The following OR4K5 variants were observed in gnomAD, a reference collection of about 807,000 sequenced individuals.
OR4K5 encodes the protein olfactory receptor 4K5.
For synonymous variants in OR4K5, 187 were observed against 142.2 expected (o/e 1.31, Z -2.24); for missense variants, 520 against 377.1 (o/e 1.38, Z -3.14).
Position 19,921,550 on chromosome 14 carries a change from C to A in OR4K5, c.944C>A (p.Ser315Ter). 1 of 1,612,960 alleles carries A rather than the reference C, an allele frequency of 6.2e-7. No homozygotes were observed. Among genetic ancestry groups the A allele is most frequent in the South Asian group, 1.1e-5 (1 of 90,860 alleles). The change falls in exon 1 of 1, where the codon TCA becomes TAA. Residue 315 changes from serine (S) to a stop codon, truncating the protein, a stop_gained. Coordinates refer to ENST00000315915, the MANE Select transcript of OR4K5 (RefSeq NM_001005483.1). LOFTEE classifies it high-confidence loss of function. ...AGGCCAAGGAGAATTTCTGAAATGTCACTAGTAGTGAGAACTTCCTTTCAT... is the reference window on the plus strand; with the variant it reads ...AGGCCAAGGAGAATTTCTGAAATGTAACTAGTAGTGAGAACTTCCTTTCAT... ...YLRPRRISEMSLVVRTSFH is the reference protein window; with the variant it reads ...YLRPRRISEM
chr14:19,920,791 T>A lies in OR4K5; in HGVS notation c.185T>A (p.Leu62His), dbSNP rs746832210. The A allele has an allele frequency of 6.2e-7, 1 of 1,614,234 alleles. No homozygotes were observed. The highest frequency in any genetic ancestry group is 8.5e-7 in the Non-Finnish European group (1 of 1,180,016). The change falls in exon 1 of 1, where the codon CTC becomes CAC. Residue 62 changes from leucine to histidine, a missense_variant. By Grantham distance (99) the Leu-to-His change is moderately conservative. Transcript: ENST00000315915. ...AGCCTGCACTCCCCTATGTACTTTC[T>A]CTTGGGAAACCTTTCCTTTGTTGAC... ...DTSLHSPMYF[L>H]LGNLSFVDIC... is the part of the protein sequence containing the mutation.
Position 19,920,612 on chromosome 14 carries a change from T to TAA in OR4K5, c.7_8dup (p.Asn5ProfsTer46), listed in dbSNP as rs754067596. 10 of 1,601,786 alleles carry TAA rather than the reference T, an allele frequency of 6.2e-6. No homozygotes were observed. The highest frequency in any genetic ancestry group is 8.5e-6 in the Non-Finnish European group (10 of 1,174,932). On this transcript the variant is annotated frameshift_variant, in exon 1 of 1. Coordinates refer to ENST00000315915, the MANE Select transcript of OR4K5 (RefSeq NM_001005483.1). LOFTEE classifies it low-confidence loss of function (END_TRUNC). ...CAAGTTTGCAGCTTGGAACCATGGA[T>TAA]AAGTCCAATTCTTCAGTGGTGTCTG...
Position 19,921,129 on chromosome 14 carries a change from G to A in OR4K5, c.523G>A (p.Asp175Asn), listed in dbSNP as rs1566497818. 2 of 1,614,164 alleles carry A rather than the reference G, an allele frequency of 1.2e-6. No individual in the cohort carries two copies. The highest frequency in any genetic ancestry group is 1.3e-5 in the African/African-American group (1 of 75,060). Reference protein sequence around the residue: ...NLPFCGPNVVDSFFCDLPRVT... With the variant: ...NLPFCGPNVVNSFFCDLPRVT... Reference sequence around the variant, plus strand: ...GCCTTTTTGTGGACCTAATGTAGTAGACAGCTTTTTTTGTGATCTTCCTCG... The same window carrying A: ...GCCTTTTTGTGGACCTAATGTAGTAAACAGCTTTTTTTGTGATCTTCCTCG... The change falls in exon 1 of 1, where the codon GAC (aspartate) becomes AAC (asparagine). Residue 175 changes from aspartate (D) to asparagine (N), a missense_variant. Asp to Asn is a conservative substitution (Grantham distance 23). Coordinates refer to ENST00000315915, the MANE Select transcript of OR4K5 (RefSeq NM_001005483.1).
rs137857056 is a variant in OR4K5 at position 19,921,323 on chromosome 14, G to A, written c.717G>A (p.Thr239=). 90 of 1,613,962 alleles carry A rather than the reference G, an allele frequency of 5.6e-5. No individual in the cohort carries two copies. The highest frequency in any genetic ancestry group is 8.0e-5 in the African/African-American group (6 of 74,922). ...SSAAMAKAFS[T]LASHIAVVIL... is the part of the protein sequence containing the mutation. ...CTGCAATGGCAAAGGCATTTTCTACGCTGGCTTCCCATATTGCAGTAGTAA... is the reference window on the plus strand; with the variant it reads ...CTGCAATGGCAAAGGCATTTTCTACACTGGCTTCCCATATTGCAGTAGTAA... The change falls in exon 1 of 1, where the codon ACG becomes ACA. Residue 239 remains threonine, a synonymous_variant. Coordinates refer to ENST00000315915, the MANE Select transcript of OR4K5 (RefSeq NM_001005483.1).
chr14:19,920,856 GA>G lies in OR4K5; in HGVS notation c.251del (p.Asp84ValfsTer3). 1 of 1,614,204 alleles carries G rather than the reference GA, an allele frequency of 6.2e-7. No individual in the cohort carries two copies. The highest frequency in any genetic ancestry group is 8.5e-7 in the Non-Finnish European group (1 of 1,180,012). The stretch of plus-strand genomic sequence containing the variant: ...TTTTGCTACCCCTAAAATGATTGCA[GA>G]TTTTCTGAGTGCACACGAGACCATA... ...ASFATPKMIA[D>X]FLSAHETISF... On this transcript the variant is annotated frameshift_variant, in exon 1 of 1. Transcript: ENST00000315915. LOFTEE classifies it low-confidence loss of function (END_TRUNC).
At position 19,921,569 on chromosome 14, in the gene OR4K5, C is replaced by T. The variant is rs1285476047; in HGVS notation, c.963C>T (p.Ser321=). 8.7e-6 allele frequency: 14 copies of T among 1,608,658 alleles called. No homozygotes were observed. Among genetic ancestry groups the T allele is most frequent in the Non-Finnish European group, 1.2e-5 (14 of 1,178,158 alleles). Residue 321 remains serine (S), a synonymous_variant, in exon 1 of 1, where the codon TCC becomes TCT. Coordinates refer to ENST00000315915, the MANE Select transcript of OR4K5 (RefSeq NM_001005483.1). ...ISEMSLVVRT[S]FH is the part of the protein sequence containing the mutation. ...AAATGTCACTAGTAGTGAGAACTTC[C>T]TTTCATTAAGACAAAACTCCTTCAA...
At position 19,920,936 on chromosome 14, in the gene OR4K5, G is replaced by A. The variant is rs747328075; in HGVS notation, c.330G>A (p.Gly110=). Residue 110 remains glycine (G), a synonymous_variant, in exon 1 of 1, where the codon GGG becomes GGA. Coordinates refer to ENST00000315915, the MANE Select transcript of OR4K5 (RefSeq NM_001005483.1). ...QIFFIHLFTG[G]EMVLLVSMAY... ...TCTTTATTCACCTTTTTACTGGAGG[G>A]GAGATGGTGCTACTTGTTTCGATGG... The A allele has an allele frequency of 2.5e-6, 4 of 1,614,148 alleles. 1 individual carries two copies. In the South Asian group the frequency reaches 4.4e-5, roughly 18 times the overall value.
chr14:19,921,552 C>G lies in OR4K5; in HGVS notation c.946C>G (p.Leu316Val). The change falls in exon 1 of 1, where the codon CTA becomes GTA. Residue 316 changes from leucine to valine, a missense_variant. By Grantham distance (32) the Leu-to-Val change is conservative. Coordinates refer to ENST00000315915, the MANE Select transcript of OR4K5 (RefSeq NM_001005483.1). Reference protein sequence around the residue: ...LRPRRISEMSLVVRTSFH With the variant: ...LRPRRISEMSVVVRTSFH ...GCCAAGGAGAATTTCTGAAATGTCA[C>G]TAGTAGTGAGAACTTCCTTTCATTA... 1 of 1,612,598 alleles carries G rather than the reference C, an allele frequency of 6.2e-7. No homozygotes were observed. Among genetic ancestry groups the G allele is most frequent in the African/African-American group, 1.3e-5 (1 of 74,946 alleles).
At position 19,920,997 on chromosome 14, in the gene OR4K5, T is replaced by G. The variant is rs1414348420; in HGVS notation, c.391T>G (p.Tyr131Asp). Residue 131 changes from tyrosine (Y) to aspartate (D), a missense_variant, in exon 1 of 1, where the codon TAC becomes GAC. By Grantham distance (160) the Tyr-to-Asp change is radical. Transcript: ENST00000315915. Reference sequence around the variant, plus strand: ...GTATGTAGCCATATGCAAACCCTTATACTATGTGGTCATCATGAGCCGAAG... The same window carrying G: ...GTATGTAGCCATATGCAAACCCTTAGACTATGTGGTCATCATGAGCCGAAG... ...DRYVAICKPL[Y>D]YVVIMSRRTC... The G allele has an allele frequency of 6.2e-7, 1 of 1,614,218 alleles. No individual in the cohort carries two copies. Among genetic ancestry groups the G allele is most frequent in the Admixed American group, 1.7e-5 (1 of 60,018 alleles).
At position 19,921,403 on chromosome 14, in the gene OR4K5, C is replaced by T. The variant is rs563493636; in HGVS notation, c.797C>T (p.Pro266Leu). ...FIYVWPFTIS[P>L]LDKFLAIFYT... is the part of the protein sequence containing the mutation. ...TATGTGTGGCCCTTTACCATCTCTC[C>T]TTTGGATAAATTTCTTGCCATATTT... Residue 266 changes from proline (P) to leucine (L), a missense_variant, in exon 1 of 1, where the codon CCT (proline) becomes CTT (leucine). Pro to Leu is a moderately conservative substitution (Grantham distance 98, BLOSUM62 -3). Transcript: ENST00000315915. 3.8e-5 allele frequency: 62 copies of T among 1,614,100 alleles called. No individual in the cohort carries two copies. In the South Asian group the frequency reaches 6.7e-4, roughly 17 times the overall value.
Position 19,921,367 on chromosome 14 carries a change from G to T in OR4K5, c.761G>T (p.Cys254Phe). The change falls in exon 1 of 1, where the codon TGC (cysteine) becomes TTC (phenylalanine). Residue 254 changes from cysteine (C) to phenylalanine (F), a missense_variant. Transcript: ENST00000315915. ...IAVVILFFGP[C>F]IFIYVWPFTI... is the part of the protein sequence containing the mutation. ...GTAGTAATATTATTCTTTGGACCTTGCATCTTCATCTATGTGTGGCCCTTT... is the reference window on the plus strand; with the variant it reads ...GTAGTAATATTATTCTTTGGACCTTTCATCTTCATCTATGTGTGGCCCTTT... The T allele has an allele frequency of 6.2e-7, 1 of 1,614,108 alleles. No individual in the cohort carries two copies. The highest frequency in any genetic ancestry group is 8.5e-7 in the Non-Finnish European group (1 of 1,179,998).
rs1426496813 is a variant in OR4K5, at chr14:19,921,123, G to C, written c.517G>C (p.Val173Leu). The C allele has an allele frequency of 6.2e-7, 1 of 1,614,014 alleles. No homozygotes were observed. Among genetic ancestry groups the C allele is most frequent in the South Asian group, 1.1e-5 (1 of 91,084 alleles). Residue 173 changes from valine (V) to leucine (L), a missense_variant, in exon 1 of 1, where the codon GTA becomes CTA. Coordinates refer to ENST00000315915, the MANE Select transcript of OR4K5 (RefSeq NM_001005483.1). ...GAACCTGCCTTTTTGTGGACCTAAT[G>C]TAGTAGACAGCTTTTTTTGTGATCT... The part of the protein sequence containing the change: ...TVNLPFCGPN[V>L]VDSFFCDLPR...
rs1881908204 is a variant in OR4K5, at chr14:19,920,681, T to C, written c.75T>C (p.Leu25=). The C allele has an allele frequency of 6.2e-6, 10 of 1,613,876 alleles. No homozygotes were observed. Among genetic ancestry groups the C allele is most frequent in the Non-Finnish European group, 5.9e-6 (7 of 1,179,924 alleles). Residue 25 remains leucine (L), a synonymous_variant, in exon 1 of 1, where the codon CTT becomes CTC. Transcript: ENST00000315915. ...TCTGTAGTTCTCAAAAACTCCAGCT[T>C]TTCTATTTTTGTTTCTTCTCTGTGT... is the stretch of plus-strand genomic sequence containing the variant. ...LGLCSSQKLQ[L]FYFCFFSVLY...
chr14:19,920,963 CTATGA>C lies in OR4K5; in HGVS notation c.358_362del (p.Tyr120GlnfsTer51). The C allele has an allele frequency of 6.2e-7, 1 of 1,614,144 alleles. No individual in the cohort carries two copies. The highest frequency in any genetic ancestry group is 1.3e-5 in the African/African-American group (1 of 75,054). On this transcript the variant is annotated frameshift_variant, in exon 1 of 1. Transcript: ENST00000315915. LOFTEE classifies it low-confidence loss of function (END_TRUNC). ...AGATGGTGCTACTTGTTTCGATGGC[CTATGA>C]CAGGTATGTAGCCATATGCAAACCC...
Position 19,921,181 on chromosome 14 carries a change from C to T in OR4K5, c.575C>T (p.Ser192Phe). The T allele has an allele frequency of 6.2e-7, 1 of 1,614,174 alleles. No homozygotes were observed. The highest frequency in any genetic ancestry group is 8.5e-7 in the Non-Finnish European group (1 of 1,180,002). The change falls in exon 1 of 1, where the codon TCT becomes TTT. Residue 192 changes from serine (S) to phenylalanine (F), a missense_variant. Coordinates refer to ENST00000315915, the MANE Select transcript of OR4K5 (RefSeq NM_001005483.1). ...GTCACCAAACTTGCCTGCCTGGACT[C>T]TTACATCATTGAAATACTAATTGTG... ...PRVTKLACLDSYIIEILIVVN... is the reference protein window; with the variant it reads ...PRVTKLACLDFYIIEILIVVN...
In OR4K5 at chr14:19,921,232, G is replaced by A. The variant is rs1881932389; in HGVS notation, c.626G>A (p.Ser209Asn). 1.2e-6 allele frequency: 2 copies of A among 1,614,166 alleles called. No homozygotes were observed. Among genetic ancestry groups the A allele is most frequent in the South Asian group, 2.2e-5 (2 of 91,084 alleles). ...IVVNSGILSLSTFSLLVSSYI... is the reference protein window; with the variant it reads ...IVVNSGILSLNTFSLLVSSYI... ...GTCAATAGTGGAATTCTTTCCCTAA[G>A]CACTTTCTCTCTCTTGGTCAGCTCC... Residue 209 changes from serine to asparagine, a missense_variant, in exon 1 of 1, where the codon AGC (serine) becomes AAC (asparagine). Transcript: ENST00000315915.
In OR4K5 at chr14:19,920,628, G is replaced by A. The variant is rs1356734862; in HGVS notation, c.22G>A (p.Val8Met). Residue 8 changes from valine to methionine, a missense_variant, in exon 1 of 1, where the codon GTG (valine) becomes ATG (methionine). Physicochemically the swap from Val to Met is conservative, Grantham distance 21. Transcript: ENST00000315915. MDKSNSSVVSEFVLLGLC... is the reference protein window; with the variant it reads MDKSNSSMVSEFVLLGLC... ...AACCATGGATAAGTCCAATTCTTCA[G>A]TGGTGTCTGAATTTGTACTGTTGGG... is the stretch of plus-strand genomic sequence containing the variant. 1.2e-6 allele frequency: 2 copies of A among 1,610,598 alleles called. No homozygotes were observed. Among genetic ancestry groups the A allele is most frequent in the African/African-American group, 1.3e-5 (1 of 74,750 alleles).
At position 19,921,351 on chromosome 14, in the gene OR4K5, T is replaced by G. The variant is rs377110505; in HGVS notation, c.745T>G (p.Leu249Val). The G allele has an allele frequency of 1.2e-6, 2 of 1,614,096 alleles. No individual in the cohort carries two copies. The highest frequency in any genetic ancestry group is 1.1e-5 in the South Asian group (1 of 91,094). Residue 249 changes from leucine to valine, a missense_variant, in exon 1 of 1, where the codon TTA (leucine) becomes GTA (valine). Leu to Val is a conservative substitution (Grantham distance 32). Coordinates refer to ENST00000315915, the MANE Select transcript of OR4K5 (RefSeq NM_001005483.1). ...TLASHIAVVI[L>V]FFGPCIFIYV... is the part of the protein sequence containing the mutation. ...GGCTTCCCATATTGCAGTAGTAATA[T>G]TATTCTTTGGACCTTGCATCTTCAT... is the stretch of plus-strand genomic sequence containing the variant.
In OR4K5 at chr14:19,921,057, G is replaced by A; in HGVS notation, c.451G>A (p.Val151Met). Reference sequence around the variant, plus strand: ...TGTCTTGGTAATGATCTCCTGGGCTGTGAGCTTGGTGCACACATTAAGCCA... The same window carrying A: ...TGTCTTGGTAATGATCTCCTGGGCTATGAGCTTGGTGCACACATTAAGCCA... ...CTVLVMISWA[V>M]SLVHTLSQLS... The change falls in exon 1 of 1, where the codon GTG (valine) becomes ATG (methionine). Residue 151 changes from valine to methionine, a missense_variant. Transcript: ENST00000315915. 1 of 1,614,194 alleles carries A rather than the reference G, an allele frequency of 6.2e-7. No homozygotes were observed. Among genetic ancestry groups the A allele is most frequent in the African/African-American group, 1.3e-5 (1 of 75,064 alleles).
Sources: gnomAD v4.1 joint callset for allele counts on GRCh38, gnomAD v4.1.1 for gene constraint, MANE v1.5 for transcripts, NCBI Gene and HGNC (gene_info 2026-07-23, HGNC 2026-07-21) for gene names.